Variants in KLHL3 observed in about 807,000 individuals in gnomAD.
KLHL3 encodes kelch-like protein 3.
Under a neutral mutation model 70.5 loss-of-function variants are expected in KLHL3, and 19 were observed. The ratio of observed to expected loss-of-function variants is 0.27; its 90% confidence interval spans 0.19 to 0.40. The LOEUF is 0.40. Among genes scored for constraint, KLHL3 ranks in the 10% least tolerant of loss-of-function variants. The pLI is 1.00. For missense variants in KLHL3, 512 were observed against 771.1 expected (o/e 0.66, Z 3.98); for synonymous variants, 258 against 290.3 (o/e 0.89, Z 1.13).
chr5:137,698,480 C>T lies in KLHL3; in HGVS notation c.242-72G>A, dbSNP rs41298968. The T allele has an allele frequency of 0.18, 279,093 of 1,570,520 alleles. 26,156 individuals are homozygous for T. The highest frequency in any genetic ancestry group is 0.19 in the Non-Finnish European group (217,610 of 1,151,312). On this transcript the variant is annotated intron_variant, in intron 3 of 14. Transcript: ENST00000309755. ...ATATGTTTACCTTCCAGATGGTCTC[C>T]TGCCCTGTCTTGGAAACATAAAAGC...
At chr5:137,628,222 G>A in intron 13 of KLHL3, 75 bp downstream of exon 13, 2 of 1,548,562 alleles carry the variant, frequency 1.3e-6, no homozygotes, top group Non-Finnish European at 1.8e-6. Context: ...AAATCTCCCT[G>A]CTGTTTAGAG....
intron 1 of KLHL3, among the ~76,000 whole-genome samples, chr5:137,728,280 A>G (rs775746134): frequency 2.0e-5 from 3 of 152,208 alleles, no homozygotes; most frequent in Non-Finnish European, 4.4e-5. Context: ...GAGAACCAAG[A>G]CAGTTATCTT....
intron 1 of KLHL3, among the ~76,000 whole-genome samples, chr5:137,727,674 T>C (rs895166048): frequency 1.2e-4 from 18 of 152,178 alleles, no homozygotes; most frequent in Admixed American, 1.0e-3. Context: ...TTCAAGCCTC[T>C]TCCCTGAAGC....
At chr5:137,702,133 G>C (rs1461610455) in intron 3 of KLHL3, among the ~76,000 whole-genome samples, 2 of 152,246 alleles carry the variant, frequency 1.3e-5, no homozygotes, top group African/African-American at 4.8e-5. Flanking sequence ...GGTGGAGAGA[G>C]AGACAAGAAA....
At chr5:137,729,381 T>C (rs1473093788) in intron 1 of KLHL3, among the ~76,000 whole-genome samples, 1 of 152,194 alleles carries the variant, frequency 6.6e-6, no homozygotes, top group Non-Finnish European at 1.5e-5. Flanking sequence ...ACACTCTGTC[T>C]AGGAAAGTGA....
chr5:137,639,556 T>C lies in KLHL3; in HGVS notation c.1021+304A>G, dbSNP rs188295951. 2.0e-4 allele frequency among the ~76,000 whole-genome samples: 31 copies of C among 152,038 alleles called. No homozygotes were observed. The East Asian group carries it at 6.0e-3, about 29-fold the overall frequency. ...TAAAAATGCAAAAATTAGCTGGGCA[T>C]GGTGGTGCACGCCTGTAATCCCAGC... On this transcript the variant is annotated intron_variant, in intron 9 of 14. Coordinates refer to ENST00000309755, the MANE Select transcript of KLHL3 (RefSeq NM_017415.3). This position sits in a 1 kb window ranked among gnomAD's most constrained non-coding sequence, Gnocchi z 5.0.
chr5:137,641,433 C>T (rs1286869809), intron 8 of KLHL3, among the ~76,000 whole-genome samples: 3 of 151,780 alleles, frequency 2.0e-5, no homozygotes, highest in Non-Finnish European at 4.4e-5. Flanking sequence ...CTGCTGCTGC[C>T]ACTCTAGGGT....
intron 8 of KLHL3, among the ~76,000 whole-genome samples, chr5:137,644,734 A>G (rs941121571): frequency 1.3e-5 from 2 of 152,248 alleles, no homozygotes; most frequent in Non-Finnish European, 2.9e-5. Context: ...TCTAACAAAC[A>G]TTTAAAGCAG....
chr5:137,735,465 T>C (rs1166282538), intron 1 of KLHL3, among the ~76,000 whole-genome samples, 168 bp downstream of exon 1: 1 of 152,196 alleles, frequency 6.6e-6, no homozygotes, highest in Non-Finnish European at 1.5e-5. Flanking sequence ...GAACGGGTGA[T>C]TTGGAAAGCG....
In KLHL3 at chr5:137,627,444, G is replaced by A. The variant is rs188023920; in HGVS notation, c.1591+853C>T. Among the ~76,000 whole-genome samples, 466 of 146,016 alleles carry A rather than the reference G, an allele frequency of 3.2e-3. 1 individual carries two copies. The highest frequency in any genetic ancestry group is 0.011 in the African/African-American group (451 of 40,122). The stretch of plus-strand genomic sequence containing the variant: ...AAGCCAAATGAGAACTTGGCAGCAG[G>A]CTTAGGCAATGAGTAAATTAGTAAA... On this transcript the variant is annotated intron_variant, in intron 13 of 14. Transcript: ENST00000309755.
In KLHL3 at chr5:137,658,222, T is replaced by C. The variant is rs1454085241; in HGVS notation, c.812A>G (p.Glu271Gly). The C allele has an allele frequency of 6.2e-7, 1 of 1,613,576 alleles. No individual in the cohort carries two copies. The highest frequency in any genetic ancestry group is 1.7e-5 in the Admixed American group (1 of 60,022). Residue 271 changes from glutamate (E) to glycine (G), a missense_variant, in exon 8 of 15, where the codon GAG becomes GGG. Transcript: ENST00000309755. ...AGGGAGGAGATGGTATTTCATGGCC[T>C]CAATGAGGAAGTCTTTACAGGTGTT... is the stretch of plus-strand genomic sequence containing the variant. ...NNNTCKDFLI[E>G]AMKYHLLPLD...
intron 7 of KLHL3, among the ~76,000 whole-genome samples, chr5:137,659,263 A>C (rs570713979): frequency 9.8e-5 from 15 of 152,356 alleles, no homozygotes; most frequent in African/African-American, 3.4e-4. Flanking sequence ...ATTCAAGTCC[A>C]GTCAGAGAAT....
intron 5 of KLHL3, 33 bp downstream of exon 5, chr5:137,692,252 C>A: frequency 6.3e-7 from 1 of 1,592,516 alleles, no homozygotes; most frequent in Non-Finnish European, 8.6e-7. Flanking sequence ...TCCACAAACT[C>A]GGAGGAGGTG....
chr5:137,653,021 T>G (rs1288094226), intron 8 of KLHL3: 1 of 151,446 alleles, frequency 6.6e-6, no homozygotes, highest in Non-Finnish European at 1.5e-5. Context: ...GGCAGGCGGA[T>G]CACGAGGTCA....
intron 2 of KLHL3, among the ~76,000 whole-genome samples, chr5:137,711,576 T>C (rs1752792189): frequency 6.6e-6 from 1 of 152,202 alleles, no homozygotes; most frequent in Non-Finnish European, 1.5e-5. Flanking sequence ...ACCGGGGGAT[T>C]GAGACCTTAC....
chr5:137,658,978 G>A (rs1276335711), intron 7 of KLHL3, among the ~76,000 whole-genome samples: 1 of 152,156 alleles, frequency 6.6e-6, no homozygotes, highest in Non-Finnish European at 1.5e-5. Flanking sequence ...ACCTAAGCAG[G>A]TGCTCAGCAC....
intron 14 of KLHL3, among the ~76,000 whole-genome samples, chr5:137,624,088 T>A (rs528788630): frequency 6.6e-6 from 1 of 152,382 alleles, no homozygotes; most frequent in East Asian, 1.9e-4. Flanking sequence ...CATAGATTAT[T>A]AGCTATTTCC....
chr5:137,693,392 T>TA (rs1485429332), intron 4 of KLHL3, among the ~76,000 whole-genome samples: 1 of 152,114 alleles, frequency 6.6e-6, no homozygotes, highest in African/African-American at 2.4e-5. Context: ...TATGCATGTG[T>TA]TTTTCCTAAG....
rs1359992907 is a variant in KLHL3, at chr5:137,628,566, G to C, written c.1451-129C>G. 5 of 917,236 alleles carry C rather than the reference G, an allele frequency of 5.5e-6. No individual in the cohort carries two copies. The East Asian group carries it at 1.2e-4, about 23-fold the overall frequency. 56.8% of individuals were successfully genotyped at this position (917,236 alleles called of 1,614,324 possible). A position where few individuals can be genotyped will look rare whatever the true frequency, so the allele number is the denominator to read the frequency against. On this transcript the variant is annotated intron_variant, in intron 12 of 14. Coordinates refer to ENST00000309755, the MANE Select transcript of KLHL3 (RefSeq NM_017415.3). ...TGGGGAGTGCCATTTTGTCTCCCTG[G>C]ACCTCAGTGTCCTCATCTGTAAAAC...
Sources: gnomAD v4.1 joint callset for allele counts (sites outside exome capture counted in the v4.1 genomes callset) on GRCh38, gnomAD v4.1.1 for gene constraint, Gnocchi (gnomAD v3.1) non-coding constraint, MANE v1.5 for transcripts, NCBI Gene and HGNC (gene_info 2026-07-23, HGNC 2026-07-21) for gene names.